PRKCE: variants seen among roughly 807,000 people sequenced by gnomAD.
The protein encoded by PRKCE is protein kinase C epsilon, also known as protein kinase C epsilon type.
In PRKCE, 16 loss-of-function variants were observed where a neutral mutation model predicts 85.4. That is an observed-to-expected ratio of 0.19 (90% CI 0.13 to 0.28). PRKCE has a LOEUF of 0.28. PRKCE is among the 10% of genes least tolerant of loss of function. The pLI is 1.00. For missense variants in PRKCE, 573 were observed against 975.2 expected, an observed-to-expected ratio of 0.59 and a Z score of 5.49; for synonymous variants, 388 against 371.5, an observed-to-expected ratio of 1.04 and a Z score of -0.51.
chr2:45,817,058 G>A (rs1357296192), intron 1 of PRKCE, among the ~76,000 whole-genome samples: 2 of 133,420 alleles, frequency 1.5e-5, no homozygotes, highest in Non-Finnish European at 3.2e-5. Flanking sequence ...ATTATATACT[G>A]TAAGTAGAGT....
intron 1 of PRKCE, among the ~76,000 whole-genome samples, chr2:45,678,684 T>G (rs960680876): frequency 1.4e-5 from 2 of 147,854 alleles, no homozygotes; most frequent in Admixed American, 1.3e-4. Context: ...TATCATGTAA[T>G]TATCTGGATT....
chr2:45,660,240 C>A (rs375824746), intron 1 of PRKCE, among the ~76,000 whole-genome samples: 4 of 152,142 alleles, frequency 2.6e-5, no homozygotes, highest in African/African-American at 9.7e-5. Context: ...AACAATCCTT[C>A]TGTACAGTTG....
chr2:46,078,221 A>G (rs1668722970), intron 10 of PRKCE: 1 of 152,092 alleles, frequency 6.6e-6, no homozygotes, highest in Non-Finnish European at 1.5e-5. Flanking sequence ...ACTTGATGCC[A>G]TTTTACAACT....
At chr2:46,183,730 C>T (rs1044586589) in intron 14 of PRKCE, among the ~76,000 whole-genome samples, 1 of 152,226 alleles carries the variant, frequency 6.6e-6, no homozygotes, top group African/African-American at 2.4e-5. Context: ...AGGTGCCTCC[C>T]TCCCATTTCT....
intron 1 of PRKCE, among the ~76,000 whole-genome samples, chr2:45,710,480 T>A (rs537026480): frequency 3.3e-5 from 5 of 152,366 alleles, no homozygotes; most frequent in African/African-American, 1.2e-4. Flanking sequence ...GATGGTCTGG[T>A]CTCAGTGGAA....
chr2:46,016,234 G>C (rs1706130871), intron 10 of PRKCE, among the ~76,000 whole-genome samples: 1 of 152,128 alleles, frequency 6.6e-6, no homozygotes, highest in Non-Finnish European at 1.5e-5. Context: ...TGCAAGATGT[G>C]ACAAGACTTT....
intron 2 of PRKCE, among the ~76,000 whole-genome samples, chr2:45,886,204 G>C (rs1410851839): frequency 1.3e-5 from 2 of 152,194 alleles, no homozygotes. Context: ...GTGCTTGCAG[G>C]ACTGTCCTCA....
intron 1 of PRKCE, among the ~76,000 whole-genome samples, chr2:45,731,050 G>A (rs1024807842): frequency 3.3e-5 from 5 of 152,312 alleles, no homozygotes; most frequent in South Asian, 4.2e-4. Context: ...GGAATAGTGG[G>A]AGCCTGGGTG....
intron 1 of PRKCE, among the ~76,000 whole-genome samples, chr2:45,823,334 G>A (rs992984596): frequency 6.6e-6 from 1 of 152,206 alleles, no homozygotes; most frequent in Non-Finnish European, 1.5e-5. Context: ...TGGATGAAAA[G>A]GAACTGGAAT....
intron 10 of PRKCE, among the ~76,000 whole-genome samples, chr2:46,071,430 T>C (rs1207236239): frequency 6.6e-6 from 1 of 152,198 alleles, no homozygotes; most frequent in Non-Finnish European, 1.5e-5. Flanking sequence ...TTCCATGAAG[T>C]AGCTACTATT....
At chr2:46,014,742 G>C (rs1705981245) in intron 10 of PRKCE, among the ~76,000 whole-genome samples, 1 of 152,166 alleles carries the variant, frequency 6.6e-6, no homozygotes, top group Non-Finnish European at 1.5e-5. Context: ...GCCTAGTAGA[G>C]AGATAGACAT....
intron 2 of PRKCE, among the ~76,000 whole-genome samples, chr2:45,909,867 A>G (rs1233340831): frequency 6.6e-6 from 1 of 152,212 alleles, no homozygotes; most frequent in Non-Finnish European, 1.5e-5. Context: ...GTGGCCAACA[A>G]CTTAATTTTC....
intron 1 of PRKCE, among the ~76,000 whole-genome samples, chr2:45,831,474 G>T (rs555178504): frequency 6.6e-6 from 1 of 152,304 alleles, no homozygotes; most frequent in Admixed American, 6.5e-5. Context: ...AATGTGGAGG[G>T]TCAAGGGATA....
intron 1 of PRKCE, among the ~76,000 whole-genome samples, chr2:45,838,960 C>T (rs1263064352): frequency 6.6e-6 from 1 of 151,954 alleles, no homozygotes; most frequent in Admixed American, 6.6e-5. Context: ...TATGCCGGTG[C>T]CTTTGCTAAG....
At chr2:46,084,719 A>C (rs1669418881) in intron 10 of PRKCE, among the ~76,000 whole-genome samples, 1 of 3,460 alleles carries the variant, frequency 2.9e-4, no homozygotes, top group Admixed American at 6.0e-3. Context: ...AGACTCCATC[A>C]AAAAAAAAAA....
intron 10 of PRKCE, among the ~76,000 whole-genome samples, chr2:46,075,573 C>T (rs114109658): frequency 6.6e-6 from 1 of 151,682 alleles, no homozygotes; most frequent in African/African-American, 2.4e-5. Flanking sequence ...ATAACAAAAC[C>T]CTCTCTCTAC....
chr2:45,810,265 T>G (rs892591857), intron 1 of PRKCE, among the ~76,000 whole-genome samples: 13 of 152,066 alleles, frequency 8.5e-5, no homozygotes, highest in Admixed American at 8.5e-4. Flanking sequence ...GGTCTTGAAC[T>G]CCTGACCTCA....
rs575866209 is a variant in PRKCE at position 45,911,190 on chromosome 2, G to C, written c.413-65239G>C. ...AAGGGTTTTTCTTTACAAATTTCCAGGGGAAATGCTTATCAATCAACATTA... is the reference window on the plus strand; with the variant it reads ...AAGGGTTTTTCTTTACAAATTTCCACGGGAAATGCTTATCAATCAACATTA... On this transcript the variant is annotated intron_variant, in intron 2 of 14. Coordinates refer to ENST00000306156, the MANE Select transcript of PRKCE (RefSeq NM_005400.3). Among the ~76,000 whole-genome samples, 4 of 152,322 alleles carry C rather than the reference G, an allele frequency of 2.6e-5. No individual in the cohort carries two copies. In the South Asian group the frequency reaches 8.3e-4, roughly 32 times the overall value.
rs1686639654 is a variant in PRKCE, at chr2:45,786,881, G to A, written c.349-56119G>A. On this transcript the variant is annotated intron_variant, in intron 1 of 14. Transcript: ENST00000306156. This position sits in a 1 kb window ranked among gnomAD's most constrained non-coding sequence, Gnocchi z 5.3. ...AAAATCACATGGCAATAGTAGAGAT[G>A]CGATTCAAACCCTAGGGAATACGAT... 6.6e-6 allele frequency among the ~76,000 whole-genome samples: 1 copy of A among 152,230 alleles called. No homozygotes were observed. The highest frequency in any genetic ancestry group is 2.4e-5 in the African/African-American group (1 of 41,464).
Sources: gnomAD v4.1 joint callset for allele counts (sites outside exome capture counted in the v4.1 genomes callset) on GRCh38, gnomAD v4.1.1 for gene constraint, Gnocchi (gnomAD v3.1) non-coding constraint, MANE v1.5 for transcripts, NCBI Gene and HGNC (gene_info 2026-07-23, HGNC 2026-07-21) for gene names.